Variants in PRKCH observed in about 807,000 individuals in gnomAD.
PRKCH encodes the protein protein kinase C eta, also known as protein kinase C eta type.
In PRKCH, 28 loss-of-function variants were observed where a neutral mutation model predicts 82.5. That is an observed-to-expected ratio of 0.34 (90% CI 0.25 to 0.47). PRKCH has a LOEUF of 0.47. Ranked by LOEUF, PRKCH falls within the 20% of genes least tolerant of loss-of-function variation. The pLI is 1.00. For missense variants in PRKCH, 705 were observed against 881.8 expected (o/e 0.80, Z 2.54); for synonymous variants, 322 against 327.4 (o/e 0.98, Z 0.18).
At chr14:61,483,631 G>A (rs767131132) in intron 9 of PRKCH, among the ~76,000 whole-genome samples, 7 of 152,130 alleles carry the variant, frequency 4.6e-5, no homozygotes, top group African/African-American at 7.2e-5. Context: ...AGGGGTCTGC[G>A]TGGTTACACC....
rs1335648123 is a variant in PRKCH at position 61,210,133 on chromosome 14, T to C, written c.-19+22465T>C. Among the ~76,000 whole-genome samples, 8 of 37,568 alleles carry C rather than the reference T, an allele frequency of 2.1e-4. No individual in the cohort carries two copies. In the South Asian group the frequency reaches 7.5e-3, roughly 35 times the overall value. 24.6% of individuals were successfully genotyped at this position (37,568 alleles called of 152,430 possible). On this transcript the variant is annotated intron_variant, in intron 1 of 3. Transcript: ENST00000555185. ...ACAAATATATATATATATATATATA[T>C]ATATATATATATATATATATATATA...
intron 12 of PRKCH, among the ~76,000 whole-genome samples, chr14:61,547,226 T>A (rs2043269492): frequency 6.6e-6 from 1 of 152,156 alleles, no homozygotes; most frequent in Non-Finnish European, 1.5e-5. Context: ...ACAGACCTTT[T>A]CAGTATGTCA....
chr14:61,526,738 CA>C (rs1413285197), intron 10 of PRKCH, among the ~76,000 whole-genome samples: 1 of 152,254 alleles, frequency 6.6e-6, no homozygotes, highest in Non-Finnish European at 1.5e-5. Context: ...GTGAATATGG[CA>C]CTCCAGAAAG....
rs568005867 is a variant in PRKCH at position 61,326,307 on chromosome 14, A to T, written c.363+3843A>T. 1.0e-3 allele frequency among the ~76,000 whole-genome samples: 156 copies of T among 152,244 alleles called. 2 individuals carry two copies. The highest frequency in any genetic ancestry group is 1.8e-3 in the Non-Finnish European group (125 of 68,036). On this transcript the variant is annotated intron_variant, in intron 1 of 13. Transcript: ENST00000332981. ...ATGTAACAACAGGAATGAATCTCAG[A>T]ATAATTATGCTGAGTGAAAGAAACT...
intron 2 of PRKCH, among the ~76,000 whole-genome samples, chr14:61,418,891 C>A (rs1212746439): frequency 6.6e-6 from 1 of 152,214 alleles, no homozygotes; most frequent in Non-Finnish European, 1.5e-5. Context: ...ATATATTTAA[C>A]TTCTGGCTCT....
At chr14:61,333,545 G>C (rs2045816239) in intron 1 of PRKCH, among the ~76,000 whole-genome samples, 1 of 152,114 alleles carries the variant, frequency 6.6e-6, no homozygotes, top group South Asian at 2.1e-4. Flanking sequence ...AAATTTTAGA[G>C]AAAAAGATGT....
At chr14:61,316,108 C>A (rs1161753405) in intron 1 of PRKCH, among the ~76,000 whole-genome samples, 1 of 152,004 alleles carries the variant, frequency 6.6e-6, no homozygotes, top group Non-Finnish European at 1.5e-5. Context: ...CATAATATTC[C>A]ATTAAGTTGC....
intron 2 of PRKCH, among the ~76,000 whole-genome samples, chr14:61,393,257 G>A (rs2046714506): frequency 6.6e-6 from 1 of 152,050 alleles, no homozygotes; most frequent in Non-Finnish European, 1.5e-5. Context: ...TCAGTATTTT[G>A]CAATTTGATA....
intron 1 of PRKCH, among the ~76,000 whole-genome samples, chr14:61,256,397 A>T (rs1176727784): frequency 6.6e-6 from 1 of 152,112 alleles, no homozygotes; most frequent in Non-Finnish European, 1.5e-5. Context: ...TGAGCATAGA[A>T]CCGTCAGTGA....
At chr14:61,231,318 C>G (rs1242380348) in intron 1 of PRKCH, among the ~76,000 whole-genome samples, 1 of 151,382 alleles carries the variant, frequency 6.6e-6, no homozygotes, top group African/African-American at 2.4e-5. Context: ...TAGAACAGTG[C>G]TTGGTAACTG....
intron 1 of PRKCH, among the ~76,000 whole-genome samples, chr14:61,198,535 A>G (rs188351613): frequency 1.9e-4 from 29 of 152,306 alleles, no homozygotes; most frequent in African/African-American, 6.0e-4. Flanking sequence ...ATAATAGTGT[A>G]TATTATATTG....
At chr14:61,511,367 A>T (rs570398674) in intron 10 of PRKCH, among the ~76,000 whole-genome samples, 3 of 152,076 alleles carry the variant, frequency 2.0e-5, no homozygotes, top group South Asian at 4.1e-4. Flanking sequence ...GGGAGCTCCT[A>T]GGAGGGCAAA....
At chr14:61,440,927 T>TTC (rs1419030579) in intron 2 of PRKCH, among the ~76,000 whole-genome samples, 1 of 151,100 alleles carries the variant, frequency 6.6e-6, no homozygotes, top group Non-Finnish European at 1.5e-5. Context: ...TTTTTTTTCT[T>TTC]TTTTTTTTGG....
At chr14:61,266,962 G>C (rs1209238016) in intron 1 of PRKCH, among the ~76,000 whole-genome samples, 2 of 152,142 alleles carry the variant, frequency 1.3e-5, no homozygotes, top group East Asian at 3.9e-4. Flanking sequence ...GGGTGGGGTT[G>C]AAGGGAGTCT....
At chr14:61,199,217 A>G (rs2044461523) in intron 1 of PRKCH, among the ~76,000 whole-genome samples, 1 of 152,184 alleles carries the variant, frequency 6.6e-6, no homozygotes, top group Non-Finnish European at 1.5e-5. Flanking sequence ...GACATTTAGC[A>G]CCTTTCTTTT....
chr14:61,402,844 T>A (rs1484052504), intron 2 of PRKCH, among the ~76,000 whole-genome samples: 1 of 151,250 alleles, frequency 6.6e-6, no homozygotes, highest in Non-Finnish European at 1.5e-5. Flanking sequence ...CTGTCTTTTT[T>A]TTTAATTAAT....
chr14:61,530,172 A>T (rs2043027149), intron 11 of PRKCH, among the ~76,000 whole-genome samples: 1 of 152,164 alleles, frequency 6.6e-6, no homozygotes, highest in South Asian at 2.1e-4. Flanking sequence ...CGAGCCCATC[A>T]CAGTGGCCCA....
intron 2 of PRKCH, among the ~76,000 whole-genome samples, chr14:61,410,237 G>T (rs1882194412): frequency 6.6e-6 from 1 of 152,122 alleles, no homozygotes; most frequent in South Asian, 2.1e-4. Flanking sequence ...CTTAAAAATG[G>T]TGATATGTTA....
At chr14:61,527,081 GT>G (rs934652666) in intron 10 of PRKCH, among the ~76,000 whole-genome samples, 14 of 152,332 alleles carry the variant, frequency 9.2e-5, no homozygotes, top group Admixed American at 7.8e-4. Flanking sequence ...CCAGGTGCTT[GT>G]GCTGGGAAGC....
Sources: allele counts gnomAD v4.1 joint callset (sites outside exome capture counted in the v4.1 genomes callset), GRCh38; gene constraint gnomAD v4.1.1; transcripts MANE v1.5; gene names NCBI Gene and HGNC (gene_info 2026-07-23, HGNC 2026-07-21).